The following SGCZ variants were observed in gnomAD, a reference collection of about 807,000 sequenced individuals.
SGCZ encodes zeta-sarcoglycan.
SGCZ carries 40 observed loss-of-function variants against 41.3 expected under a neutral mutation model. The ratio of observed to expected loss-of-function variants is 0.97; its 90% confidence interval spans 0.75 to 1.26. The LOEUF (loss-of-function observed/expected upper bound fraction) is 1.26, where lower values mean the gene tolerates loss of function less well. Among genes scored for constraint, SGCZ ranks in the 50% most tolerant of loss-of-function variants. The pLI is 0.00. For missense variants in SGCZ, 552 were observed against 369.8 expected (o/e 1.49, Z -4.04); for synonymous variants, 206 against 137.5 (o/e 1.50, Z -3.49).
Position 14,408,982 on chromosome 8 carries a change from T to TGTGCGTGTGCATGTGTGC in SGCZ, c.235-84779_235-84778insGCACACATGCACACGCAC, listed in dbSNP as rs761891974. ...GTGTGTGTGTGTGTGCATGTGTGCG[T>TGTGCGTGTGCATGTGTGC]GTGTGTGTGTGTGTATTTTGTTTTT... On this transcript the variant is annotated intron_variant, in intron 2 of 7. Transcript: ENST00000382080. 8.7e-3 allele frequency among the ~76,000 whole-genome samples: 436 copies of TGTGCGTGTGCATGTGTGC among 49,966 alleles called. 1 individual carries two copies. The highest frequency in any genetic ancestry group is 0.012 in the Non-Finnish European group (318 of 27,170). The allele number at this position is 49,966 out of a possible 152,430, so 32.8% of individuals were successfully genotyped here.
chr8:14,615,356 A>G (rs529601259), intron 1 of SGCZ, among the ~76,000 whole-genome samples: 71 of 152,210 alleles, frequency 4.7e-4, no homozygotes, highest in Non-Finnish European at 8.2e-4. Context: ...GTAGCCACTC[A>G]GGTGATTTCT....
chr8:14,432,844 G>A (rs548588942), intron 2 of SGCZ, among the ~76,000 whole-genome samples: 21 of 142,876 alleles, frequency 1.5e-4, no homozygotes, highest in African/African-American at 5.1e-4. Context: ...AACCCAGGAG[G>A]AGGAGGTTGC....
rs796283571 is a variant in SGCZ, at chr8:14,110,382, TG to T, written c.548-2148del. 1.0e-3 allele frequency among the ~76,000 whole-genome samples: 154 copies of T among 152,234 alleles called. 2 individuals are homozygous for T. The highest frequency in any genetic ancestry group is 3.5e-3 in the African/African-American group (146 of 41,554). ...GTAATATTTACTTTCAAATACATAATGGCATACTTACTAAGCACAAACTCTA... is the reference window on the plus strand; with the variant it reads ...GTAATATTTACTTTCAAATACATAATGCATACTTACTAAGCACAAACTCTA... On this transcript the variant is annotated intron_variant, in intron 5 of 7. Transcript: ENST00000382080.
chr8:14,759,451 T>C (rs1044373138), intron 1 of SGCZ, among the ~76,000 whole-genome samples: 2 of 152,222 alleles, frequency 1.3e-5, no homozygotes, highest in East Asian at 3.8e-4. Flanking sequence ...CCACAACACA[T>C]TTAATATTTT....
chr8:14,523,878 T>A (rs1470586769), intron 2 of SGCZ, among the ~76,000 whole-genome samples: 1 of 152,104 alleles, frequency 6.6e-6, no homozygotes, highest in African/African-American at 2.4e-5. Flanking sequence ...ATTTTTTCCC[T>A]ACTCTGTTTT....
At chr8:14,847,126 A>AAAGAAGAAGAAGAAGAAAGAAG (rs1803148343) in intron 1 of SGCZ, among the ~76,000 whole-genome samples, 1 of 126,362 alleles carries the variant, frequency 7.9e-6, no homozygotes, top group Non-Finnish European at 1.6e-5. Context: ...GAAGAAGAAG[A>AAAGAAGAAGAAGAAGAAAGAAG]AAGAAGAAGA....
intron 1 of SGCZ, among the ~76,000 whole-genome samples, chr8:14,874,011 A>G (rs750603641): frequency 5.9e-5 from 9 of 151,982 alleles, no homozygotes; most frequent in Non-Finnish European, 1.0e-4. Flanking sequence ...GGGCAAAAAT[A>G]ATTACGATGA....
chr8:15,166,402 C>G (rs935067080), intron 1 of SGCZ, among the ~76,000 whole-genome samples: 1 of 152,044 alleles, frequency 6.6e-6, no homozygotes, highest in African/African-American at 2.4e-5. Context: ...CGCCCACCAC[C>G]ATGCCCAGCT....
chr8:14,702,925 GTAGATAGATAGATAGA>G (rs1159190492), intron 1 of SGCZ, among the ~76,000 whole-genome samples: 20 of 125,980 alleles, frequency 1.6e-4, no homozygotes, highest in South Asian at 5.8e-4. Context: ...AGTTAGGTAG[GTAGATAGATAGATAGA>G]TAGATAGATA....
At chr8:14,149,656 G>GAAAA (rs35798060) in intron 5 of SGCZ, among the ~76,000 whole-genome samples, 1 of 140,502 alleles carries the variant, frequency 7.1e-6, no homozygotes, top group Non-Finnish European at 1.5e-5. Flanking sequence ...TTCTTCATAG[G>GAAAA]AAAAAAAAAA....
At chr8:14,732,343 G>A (rs558064001) in intron 1 of SGCZ, among the ~76,000 whole-genome samples, 1 of 152,122 alleles carries the variant, frequency 6.6e-6, no homozygotes. Context: ...TGACCCCAGA[G>A]GCCTCCTCAC....
At chr8:14,888,498 A>G in intron 1 of SGCZ, among the ~76,000 whole-genome samples, 1 of 152,224 alleles carries the variant, frequency 6.6e-6, no homozygotes. Flanking sequence ...AAGTATACAT[A>G]ATCGTATCAT....
chr8:14,384,322 G>C (rs1804488217), intron 2 of SGCZ, among the ~76,000 whole-genome samples: 1 of 152,022 alleles, frequency 6.6e-6, no homozygotes, highest in Non-Finnish European at 1.5e-5. Flanking sequence ...CTGCACAGTT[G>C]TTTATTGCGG....
intron 5 of SGCZ, among the ~76,000 whole-genome samples, chr8:14,136,980 T>C (rs756971058): frequency 2.0e-5 from 3 of 152,156 alleles, no homozygotes. Flanking sequence ...ACATTTGTCG[T>C]TCTGCAATAT....
intron 2 of SGCZ, among the ~76,000 whole-genome samples, chr8:14,372,225 G>A (rs1245228033): frequency 6.6e-6 from 1 of 152,162 alleles, no homozygotes; most frequent in Non-Finnish European, 1.5e-5. Context: ...AGAATTATAT[G>A]AAGACTAAAT....
intron 1 of SGCZ, among the ~76,000 whole-genome samples, chr8:15,138,949 A>G (rs549074926): frequency 3.9e-4 from 59 of 152,336 alleles, no homozygotes; most frequent in African/African-American, 1.4e-3. Context: ...GAAAAATCAA[A>G]TAATTTTGTA....
intron 1 of SGCZ, among the ~76,000 whole-genome samples, chr8:14,901,068 C>T (rs1373182643): frequency 6.6e-6 from 1 of 152,110 alleles, no homozygotes; most frequent in African/African-American, 2.4e-5. Context: ...AATGCTTACT[C>T]AAAGGAAGAG....
At chr8:14,626,861 T>C (rs1208928489) in intron 1 of SGCZ, among the ~76,000 whole-genome samples, 1 of 152,166 alleles carries the variant, frequency 6.6e-6, no homozygotes, top group Non-Finnish European at 1.5e-5. Context: ...CCACTTAGTT[T>C]GTGGTACTTT....
chr8:14,668,035 C>T (rs887668062), intron 1 of SGCZ, among the ~76,000 whole-genome samples: 17 of 152,122 alleles, frequency 1.1e-4, no homozygotes, highest in Non-Finnish European at 5.9e-5. Flanking sequence ...CGGCTCACTG[C>T]AACCTCCGCC....
Sources: allele counts gnomAD v4.1 joint callset (sites outside exome capture counted in the v4.1 genomes callset), GRCh38; gene constraint gnomAD v4.1.1; transcripts MANE v1.5; gene names NCBI Gene and HGNC (gene_info 2026-07-23, HGNC 2026-07-21).